Variants in NR3C1 observed in about 807,000 individuals in gnomAD.
The protein encoded by NR3C1 is nuclear receptor subfamily 3 group C member 1, also known as glucocorticoid receptor.
Under a neutral mutation model 74.0 loss-of-function variants are expected in NR3C1, and 14 were observed. The ratio of observed to expected loss-of-function variants is 0.19; its 90% CI spans 0.12 to 0.30. NR3C1 has a LOEUF of 0.30. Ranked by LOEUF, NR3C1 falls within the 10% of genes least tolerant of loss-of-function variation. NR3C1 has a pLI of 1.00. For synonymous variants in NR3C1, 308 were observed against 332.5 expected (o/e 0.93, Z 0.80); for missense variants, 695 against 909.8 (o/e 0.76, Z 3.04).
intron 2 of NR3C1, among the ~76,000 whole-genome samples, chr5:143,343,482 T>C (rs1331804679): frequency 1.3e-5 from 2 of 152,306 alleles, no homozygotes; most frequent in East Asian, 1.9e-4. Context: ...ATTAACACTA[T>C]GTGTGAGGTA....
chr5:143,345,851 T>C (rs1030809954), intron 2 of NR3C1, among the ~76,000 whole-genome samples: 2 of 152,192 alleles, frequency 1.3e-5, no homozygotes, highest in Admixed American at 1.3e-4. Context: ...TTTAGTGATG[T>C]TTTTGTGACC....
At chr5:143,308,251 A>T (rs1820084750) in intron 4 of NR3C1, among the ~76,000 whole-genome samples, 1 of 152,152 alleles carries the variant, frequency 6.6e-6, no homozygotes, top group Non-Finnish European at 1.5e-5. Context: ...ACTTAAGGCC[A>T]GGAGTTAGAC....
intron 7 of NR3C1, among the ~76,000 whole-genome samples, chr5:143,293,586 G>A (rs1440945426): frequency 6.6e-6 from 1 of 151,992 alleles, no homozygotes; most frequent in Non-Finnish European, 1.5e-5. Context: ...AATTTACCAG[G>A]TTCTACAAAT....
chr5:143,421,642 A>C (rs950002148), intron 1 of NR3C1, among the ~76,000 whole-genome samples: 2 of 152,066 alleles, frequency 1.3e-5, no homozygotes, highest in African/African-American at 4.8e-5. Flanking sequence ...CCAACATAGC[A>C]AAACCCCATC....
rs541254064 is a variant in NR3C1 at position 143,280,386 on chromosome 5, T to C, written c.*1503A>G. On this transcript the variant is annotated 3_prime_UTR_variant, in exon 9 of 9. Transcript: ENST00000394464. ...ATATAAAAATATATTAGAAGTTCCA[T>C]ATTTTTAATATTAGATTTTCAGTTT... 1.3e-5 allele frequency: 2 copies of C among 152,728 alleles called. No individual in the cohort carries two copies. The highest frequency in any genetic ancestry group is 2.4e-5 in the African/African-American group (1 of 41,584). 9.5% of individuals were successfully genotyped at this position (152,728 alleles called of 1,614,324 possible).
chr5:143,398,669 AT>A (rs1316176902), intron 2 of NR3C1, among the ~76,000 whole-genome samples: 2 of 152,110 alleles, frequency 1.3e-5, no homozygotes, highest in Non-Finnish European at 2.9e-5. Context: ...TACAATCCAC[AT>A]TTTTATATTT....
chr5:143,405,665 C>A (rs1841070579), upstream of NR3C1, among the ~76,000 whole-genome samples: 1 of 152,208 alleles, frequency 6.6e-6, no homozygotes, highest in South Asian at 2.1e-4. Context: ...GAGATACTCG[C>A]CACCTCGGAA....
chr5:143,371,523 T>C (rs1834219586), intron 2 of NR3C1, among the ~76,000 whole-genome samples: 1 of 152,206 alleles, frequency 6.6e-6, no homozygotes, highest in African/African-American at 2.4e-5. Context: ...CTGACAGACA[T>C]TGTCCACAGT....
At chr5:143,329,644 A>G (rs1418183841) in intron 2 of NR3C1, among the ~76,000 whole-genome samples, 1 of 152,228 alleles carries the variant, frequency 6.6e-6, no homozygotes, top group Non-Finnish European at 1.5e-5. Flanking sequence ...GAACAATATT[A>G]TAATAATTAG....
intron 2 of NR3C1, among the ~76,000 whole-genome samples, chr5:143,387,885 T>C (rs1315448030): frequency 2.6e-5 from 4 of 152,282 alleles, no homozygotes; most frequent in African/African-American, 9.6e-5. Context: ...ACACACACAC[T>C]TATCTGAAAA....
intron 2 of NR3C1, among the ~76,000 whole-genome samples, chr5:143,341,612 G>A (rs1468822285): frequency 1.3e-5 from 2 of 152,204 alleles, no homozygotes. Context: ...CAGAACATGT[G>A]TATCATATCC....
intron 2 of NR3C1, among the ~76,000 whole-genome samples, chr5:143,355,126 A>G (rs1830907983): frequency 1.3e-5 from 2 of 152,206 alleles, no homozygotes; most frequent in South Asian, 4.1e-4. Context: ...TAAGTGAAAC[A>G]AAACAAAATA....
chr5:143,377,598 T>G (rs1835435711), intron 2 of NR3C1, among the ~76,000 whole-genome samples: 2 of 152,256 alleles, frequency 1.3e-5, no homozygotes, highest in South Asian at 4.1e-4. Flanking sequence ...ATGATTTATC[T>G]TTCCTCCCTA....
chr5:143,373,128 T>C (rs1834508803), intron 2 of NR3C1, among the ~76,000 whole-genome samples: 1 of 152,210 alleles, frequency 6.6e-6, no homozygotes, highest in African/African-American at 2.4e-5. Flanking sequence ...AGAACACTTC[T>C]AACGCTCCTT....
At chr5:143,420,765 C>T (rs1751188411) in intron 1 of NR3C1, among the ~76,000 whole-genome samples, 1 of 152,030 alleles carries the variant, frequency 6.6e-6, no homozygotes, top group South Asian at 2.1e-4. Context: ...GAAACCCTGC[C>T]CTAGATGTAA....
intron 2 of NR3C1, among the ~76,000 whole-genome samples, chr5:143,328,853 G>T (rs564682235): frequency 2.6e-5 from 4 of 152,222 alleles, no homozygotes; most frequent in African/African-American, 9.6e-5. Flanking sequence ...GGACTTCATT[G>T]TCCACGTCAC....
intron 2 of NR3C1, among the ~76,000 whole-genome samples, chr5:143,357,994 A>C (rs542007135): frequency 1.3e-5 from 2 of 152,342 alleles, no homozygotes; most frequent in South Asian, 4.1e-4. Flanking sequence ...ATAAATACTA[A>C]ATACTTGATC....
At chr5:143,424,084 G>A (rs1021205139) in intron 1 of NR3C1, among the ~76,000 whole-genome samples, 1 of 140,140 alleles carries the variant, frequency 7.1e-6, no homozygotes, top group Non-Finnish European at 1.5e-5. Flanking sequence ...AGGGGGGAGG[G>A]ATAGCATTGG....
chr5:143,406,616 G>A (rs1204351398), upstream of NR3C1, among the ~76,000 whole-genome samples: 1 of 152,112 alleles, frequency 6.6e-6, no homozygotes, highest in African/African-American at 2.4e-5. Flanking sequence ...CCACTCTTCT[G>A]CTGCCCACTT....
Sources: gnomAD v4.1 joint callset for allele counts (sites outside exome capture counted in the v4.1 genomes callset) on GRCh38, gnomAD v4.1.1 for gene constraint, MANE v1.5 for transcripts, NCBI Gene and HGNC (gene_info 2026-07-23, HGNC 2026-07-21) for gene names.